Variants in NLGN4X observed in about 807,000 individuals in gnomAD.
NLGN4X encodes neuroligin-4, X-linked.
In NLGN4X, 3 loss-of-function variants were observed where a neutral mutation model predicts 40.3. The observed-to-expected ratio is 0.07, with a 90% CI of 0.03 to 0.19. The LOEUF (loss-of-function observed/expected upper bound fraction) is 0.19. Ranked by LOEUF, NLGN4X falls within the 10% of genes least tolerant of loss-of-function variation. The probability of loss-of-function intolerance (pLI) is 1.00; values close to 1 mark genes in which losing one functional copy is unlikely to be tolerated. For missense variants in NLGN4X, 382 were observed against 708.3 expected, an observed-to-expected ratio of 0.54 and a Z score of 5.23; for synonymous variants, 270 against 306.8, an observed-to-expected ratio of 0.88 and a Z score of 1.25.
intron 2 of NLGN4X, among the ~76,000 whole-genome samples, chrX:6,048,699 A>G (rs923461314): frequency 5.4e-5 from 6 of 111,238 alleles, no homozygotes; most frequent in Admixed American, 1.9e-4. Flanking sequence ...TTGCAGAGAC[A>G]TGGATGGAGG....
At chrX:5,971,829 A>T (rs2035028539) in intron 3 of NLGN4X, among the ~76,000 whole-genome samples, 1 of 111,688 alleles carries the variant, frequency 9.0e-6, no homozygotes, top group Admixed American at 9.5e-5. Flanking sequence ...AAGAGGGACA[A>T]CAGTATTAAA....
intron 3 of NLGN4X, among the ~76,000 whole-genome samples, chrX:5,960,532 G>A (rs1247411870): frequency 2.7e-5 from 3 of 111,713 alleles, no homozygotes; most frequent in Admixed American, 1.9e-4. Flanking sequence ...CAAAAAAAGT[G>A]CCCTATTTTG....
In NLGN4X at chrX:6,067,440, T is replaced by TCA. The variant is rs758913698; in HGVS notation, c.473-38010_473-38009dup. ...ATCCTGGCACTTTAATCCCAACAGATCACACACACACACACACAGACTTAT... is the reference window on the plus strand; with the variant it reads ...ATCCTGGCACTTTAATCCCAACAGATCACACACACACACACACACAGACTTAT... On this transcript the variant is annotated intron_variant, in intron 2 of 5. Transcript: ENST00000381095. Among the ~76,000 whole-genome samples, 632 of 108,914 alleles carry TCA rather than the reference T, an allele frequency of 5.8e-3. 5 individuals are homozygous for TCA. The highest frequency in any genetic ancestry group is 0.018 in the African/African-American group (538 of 29,991). The allele number at this position is 108,914 out of a possible 115,157, so 94.6% of individuals were successfully genotyped here. A position where few individuals can be genotyped will look rare whatever the true frequency, so the allele number is the denominator to read the frequency against.
intron 2 of NLGN4X, among the ~76,000 whole-genome samples, chrX:6,097,104 T>A (rs1453257997): frequency 3.6e-5 from 4 of 111,288 alleles, no homozygotes; most frequent in Non-Finnish European, 7.5e-5. Flanking sequence ...TGTACACAAA[T>A]TAACATTATT....
chrX:6,071,380 C>T (rs974912980), intron 2 of NLGN4X, among the ~76,000 whole-genome samples: 2 of 111,101 alleles, frequency 1.8e-5, no homozygotes, highest in African/African-American at 6.6e-5. Flanking sequence ...GAGTAATACG[C>T]CCATTTTAGG....
intron 3 of NLGN4X, among the ~76,000 whole-genome samples, chrX:5,996,692 G>A (rs899905769): frequency 2.8e-5 from 3 of 107,132 alleles, no homozygotes; most frequent in East Asian, 3.0e-4. Flanking sequence ...TCTGCCTCCC[G>A]GGTTCAGGAG....
chrX:5,913,025 AGTAAGGAAGGTGGGAGGGAGGGAG>A (rs2032581507), intron 3 of NLGN4X, among the ~76,000 whole-genome samples: 4 of 57,452 alleles, frequency 7.0e-5, no homozygotes, highest in African/African-American at 3.0e-4. Flanking sequence ...GAGGGAAGGA[AGTAAGGAAGGTGGGAGGGAGGGAG>A]GGAAGGAAGG....
chrX:5,896,806 T>A (rs1001285739), intron 5 of NLGN4X, among the ~76,000 whole-genome samples: 2 of 112,392 alleles, frequency 1.8e-5, no homozygotes, highest in African/African-American at 6.5e-5. Context: ...ACTAGTTTAT[T>A]ATGCATTCAG....
chrX:6,102,332 G>A (rs2038927681), intron 2 of NLGN4X, among the ~76,000 whole-genome samples: 2 of 110,780 alleles, frequency 1.8e-5, no homozygotes, highest in Non-Finnish European at 3.8e-5. Context: ...AATCCCCAAC[G>A]GGACAGTATT....
intron 3 of NLGN4X, among the ~76,000 whole-genome samples, chrX:6,005,155 A>G (rs1031827390): frequency 2.7e-5 from 3 of 112,424 alleles, no homozygotes; most frequent in Non-Finnish European, 5.6e-5. Context: ...AAAACAAAAC[A>G]AACTACAAAA....
At chrX:6,117,343 A>G (rs1484691195) in intron 2 of NLGN4X, among the ~76,000 whole-genome samples, 1 of 110,961 alleles carries the variant, frequency 9.0e-6, no homozygotes, top group African/African-American at 3.3e-5. Flanking sequence ...CAGACAGGAC[A>G]TGGCTGGAAA....
At chrX:5,960,308 T>C (rs919834446) in intron 3 of NLGN4X, among the ~76,000 whole-genome samples, 27 of 108,991 alleles carry the variant, frequency 2.5e-4, no homozygotes, top group African/African-American at 8.6e-4. Context: ...AATAAATGTG[T>C]GTGTGTGGGT....
At chrX:6,044,993 C>T (rs780794639) in intron 2 of NLGN4X, among the ~76,000 whole-genome samples, 6 of 111,695 alleles carry the variant, frequency 5.4e-5, no homozygotes, top group East Asian at 5.6e-4. Context: ...AAAAAGGATG[C>T]GTTGGCAAAG....
rs376262047 is a variant in NLGN4X, at chrX:6,060,110, C to A, written c.473-30678G>T. Among the ~76,000 whole-genome samples the A allele has an allele frequency of 8.1e-5, 9 of 111,676 alleles. No individual in the cohort carries two copies. In the South Asian group the frequency reaches 3.4e-3, roughly 42 times the overall value. On this transcript the variant is annotated intron_variant, in intron 2 of 5. Transcript: ENST00000381095. ...ATTTCACAAATTCATGGTTCACATT[C>A]TAGGGCAAACATACAAAATTGTACT...
intron 3 of NLGN4X, among the ~76,000 whole-genome samples, chrX:5,990,147 G>T (rs750635529): frequency 9.4e-6 from 1 of 106,322 alleles, no homozygotes; most frequent in Non-Finnish European, 1.9e-5. Context: ...ACAACAAGCG[G>T]CGAAGACAAA....
At chrX:6,185,491 C>T (rs1181013280) in intron 1 of NLGN4X, among the ~76,000 whole-genome samples, 1 of 111,578 alleles carries the variant, frequency 9.0e-6, no homozygotes, top group African/African-American at 3.3e-5. Flanking sequence ...AACATGCCAG[C>T]GAAAGACAAA....
intron 1 of NLGN4X, among the ~76,000 whole-genome samples, chrX:6,160,956 TATAA>T (rs2147739449): frequency 1.0e-5 from 1 of 98,573 alleles, no homozygotes; most frequent in Middle Eastern, 6.4e-3. Context: ...AAAAATAAAA[TATAA>T]ATAAAATATA....
At chrX:6,039,492 T>G (rs1436315985) in intron 2 of NLGN4X, among the ~76,000 whole-genome samples, 2 of 112,033 alleles carry the variant, frequency 1.8e-5, no homozygotes, top group African/African-American at 3.2e-5. Flanking sequence ...TAGAGTCCTT[T>G]GTTATGCAGC....
chrX:6,098,881 T>C (rs1251675078), intron 2 of NLGN4X, among the ~76,000 whole-genome samples: 3 of 112,521 alleles, frequency 2.7e-5, no homozygotes, highest in Non-Finnish European at 5.6e-5. Flanking sequence ...GCATCTAACA[T>C]GTATTTCAGT....
Sources: gnomAD v4.1 joint callset for allele counts (sites outside exome capture counted in the v4.1 genomes callset) on GRCh38, gnomAD v4.1.1 for gene constraint, MANE v1.5 for transcripts, NCBI Gene and HGNC (gene_info 2026-07-23, HGNC 2026-07-21) for gene names.